Variants in GNA14 observed in about 807,000 individuals in gnomAD.
The protein encoded by GNA14 is guanine nucleotide-binding protein subunit alpha-14.
In GNA14, 50 loss-of-function variants were observed where a neutral mutation model predicts 42.0. The ratio of observed to expected loss-of-function variants is 1.19; its 90% CI spans 0.95 to 1.51. GNA14 has a LOEUF of 1.51. Ranked by LOEUF, GNA14 falls within the 40% of genes most tolerant of loss-of-function variation. GNA14 has a pLI of 0.00. For synonymous variants in GNA14, 173 were observed against 163.1 expected, an observed-to-expected ratio of 1.06 and a Z score of -0.46; for missense variants, 473 against 446.2, an observed-to-expected ratio of 1.06 and a Z score of -0.54.
At chr9:77,453,706 G>C (rs1197616457) in intron 2 of GNA14, among the ~76,000 whole-genome samples, 2 of 152,206 alleles carry the variant, frequency 1.3e-5, no homozygotes, top group African/African-American at 4.8e-5. Context: ...CATTTAGTGA[G>C]AATTTATGGA....
chr9:77,637,320 C>T (rs1464012701), intron 1 of GNA14, among the ~76,000 whole-genome samples: 1 of 152,000 alleles, frequency 6.6e-6, no homozygotes, highest in African/African-American at 2.4e-5. Context: ...CCTTGACTCT[C>T]GTTATAATAG....
intron 2 of GNA14, among the ~76,000 whole-genome samples, chr9:77,516,157 T>G (rs776727641): frequency 6.6e-6 from 1 of 152,076 alleles, no homozygotes; most frequent in Non-Finnish European, 1.5e-5. Context: ...CATTAAATCC[T>G]CGAAGCTTTG....
At chr9:77,442,980 T>C (rs1352222128) in intron 2 of GNA14, among the ~76,000 whole-genome samples, 1 of 152,200 alleles carries the variant, frequency 6.6e-6, no homozygotes, top group Non-Finnish European at 1.5e-5. Flanking sequence ...ATATTTCAAA[T>C]GACATAAAGA....
chr9:77,516,989 C>A (rs1210105091), intron 2 of GNA14, among the ~76,000 whole-genome samples: 1 of 152,168 alleles, frequency 6.6e-6, no homozygotes, highest in Non-Finnish European at 1.5e-5. Flanking sequence ...TGTGAACAGC[C>A]AGAGCCAGCC....
chr9:77,564,419 G>A (rs1822934987), intron 1 of GNA14, among the ~76,000 whole-genome samples: 1 of 152,068 alleles, frequency 6.6e-6, no homozygotes, highest in African/African-American at 2.4e-5. Context: ...GCACTGCCCA[G>A]GATGAGAACC....
At chr9:77,501,275 T>C (rs923448668) in intron 2 of GNA14, among the ~76,000 whole-genome samples, 5 of 152,110 alleles carry the variant, frequency 3.3e-5, no homozygotes, top group Admixed American at 6.5e-5. Flanking sequence ...TATAAGAAAC[T>C]GCCAACTGTC....
intron 2 of GNA14, among the ~76,000 whole-genome samples, chr9:77,494,471 A>C (rs1836838157): frequency 2.6e-5 from 4 of 152,178 alleles, no homozygotes; most frequent in Admixed American, 2.0e-4. Flanking sequence ...AAAAATTGGG[A>C]AACACTGCAG....
At chr9:77,618,616 ATATATTTTTTTTTTTT>A (rs1823870098) in intron 1 of GNA14, among the ~76,000 whole-genome samples, 1 of 10,178 alleles carries the variant, frequency 9.8e-5, no homozygotes, top group Non-Finnish European at 1.6e-4. Flanking sequence ...ATATATATAT[ATATATTTTTTTTTTTT>A]TTTTTTTTTT....
rs536252101 is a variant in GNA14, at chr9:77,525,908, TTA to T, written c.309+3159_309+3160del. ...TAGACAATGAGATTTGGGACTTTTT[TTA>T]AAAAAAAAAAAAAACGGAGTTTCAC... is the stretch of plus-strand genomic sequence containing the variant. On this transcript the variant is annotated intron_variant, in intron 2 of 6. Transcript: ENST00000341700. Among the ~76,000 whole-genome samples, 327 of 81,358 alleles carry T rather than the reference TTA, an allele frequency of 4.0e-3. 1 individual carries two copies. The highest frequency in any genetic ancestry group is 6.1e-3 in the Non-Finnish European group (229 of 37,510). The allele number at this position is 81,358 out of a possible 152,430, so 53.4% of individuals were successfully genotyped here. A position where few individuals can be genotyped will look rare whatever the true frequency, so the allele number is the denominator to read the frequency against.
chr9:77,444,039 G>A (rs978942903), intron 2 of GNA14, among the ~76,000 whole-genome samples: 2 of 152,168 alleles, frequency 1.3e-5, no homozygotes, highest in African/African-American at 2.4e-5. Context: ...AGGCTCCTAT[G>A]ATAAAATACT....
At chr9:77,500,649 C>G (rs1261246873) in intron 2 of GNA14, among the ~76,000 whole-genome samples, 2 of 152,200 alleles carry the variant, frequency 1.3e-5, no homozygotes, top group African/African-American at 4.8e-5. Flanking sequence ...CTAATCTATT[C>G]TCCCTTTCTG....
chr9:77,612,077 A>G (rs1823744523), intron 1 of GNA14, among the ~76,000 whole-genome samples: 1 of 152,050 alleles, frequency 6.6e-6, no homozygotes, highest in Non-Finnish European at 1.5e-5. Flanking sequence ...GTTATAATAT[A>G]CTAGAAACTA....
chr9:77,592,124 G>A (rs1357745447), intron 1 of GNA14, among the ~76,000 whole-genome samples: 1 of 151,746 alleles, frequency 6.6e-6, no homozygotes, highest in Non-Finnish European at 1.5e-5. Context: ...CAGTGGTCTC[G>A]ATCTCCTGAC....
chr9:77,460,381 A>G (rs1330398335), intron 2 of GNA14, among the ~76,000 whole-genome samples: 1 of 152,212 alleles, frequency 6.6e-6, no homozygotes, highest in Non-Finnish European at 1.5e-5. Flanking sequence ...GGCATGGAAA[A>G]GATTCTCCCT....
intron 2 of GNA14, among the ~76,000 whole-genome samples, chr9:77,455,112 G>C (rs900119184): frequency 1.3e-5 from 2 of 152,198 alleles, no homozygotes; most frequent in African/African-American, 4.8e-5. Context: ...TTTGCTGGCT[G>C]TGCTCTCATC....
chr9:77,514,181 A>C (rs1216926563), intron 2 of GNA14, among the ~76,000 whole-genome samples: 1 of 152,154 alleles, frequency 6.6e-6, no homozygotes, highest in Non-Finnish European at 1.5e-5. Flanking sequence ...CAATGGCCAA[A>C]TATTTCTTTG....
intron 1 of GNA14, among the ~76,000 whole-genome samples, chr9:77,579,569 T>C (rs1400162330): frequency 2.0e-5 from 3 of 152,210 alleles, no homozygotes; most frequent in Non-Finnish European, 1.5e-5. Context: ...TGCAAGTCCC[T>C]GGTCTTGGGC....
At chr9:77,573,744 T>G (rs1333354999) in intron 1 of GNA14, among the ~76,000 whole-genome samples, 2 of 152,162 alleles carry the variant, frequency 1.3e-5, no homozygotes, top group Non-Finnish European at 2.9e-5. Flanking sequence ...AATTAGACTT[T>G]TGTACTGCTT....
At chr9:77,495,685 T>C (rs1159012121) in intron 2 of GNA14, among the ~76,000 whole-genome samples, 2 of 152,222 alleles carry the variant, frequency 1.3e-5, no homozygotes, top group East Asian at 3.8e-4. Context: ...TAAAACATTT[T>C]ATAATAAGTA....
Sources: gnomAD v4.1 joint callset for allele counts (sites outside exome capture counted in the v4.1 genomes callset) on GRCh38, gnomAD v4.1.1 for gene constraint, MANE v1.5 for transcripts, NCBI Gene and HGNC (gene_info 2026-07-23, HGNC 2026-07-21) for gene names.